Variants in ANO4 observed in about 807,000 individuals in gnomAD.
ANO4 encodes the protein anoctamin-4.
Under a neutral mutation model 141.9 loss-of-function variants are expected in ANO4, and 69 were observed. That is an observed-to-expected ratio of 0.49 (90% CI 0.40 to 0.59). The LOEUF is 0.59. ANO4 is among the 20% of genes least tolerant of loss of function. The pLI is 0.00. For missense variants in ANO4, 894 were observed against 1,162.2 expected (o/e 0.77, Z 3.36); for synonymous variants, 350 against 394.3 (o/e 0.89, Z 1.33).
At chr12:100,904,226 T>C (rs1407243956) in intron 2 of ANO4, among the ~76,000 whole-genome samples, 1 of 152,166 alleles carries the variant, frequency 6.6e-6, no homozygotes, top group African/African-American at 2.4e-5. Context: ...GTACCTGATA[T>C]ACATCAGTAA....
At chr12:100,975,939 AAAAAAG>A (rs1246946209) in intron 7 of ANO4, among the ~76,000 whole-genome samples, 6,369 of 126,382 alleles carry the variant, frequency 0.05, 238 homozygotes, top group Non-Finnish European at 0.069. Flanking sequence ...GCCAAAAAAA[AAAAAAG>A]AAAAAAAAAA....
intron 11 of ANO4, among the ~76,000 whole-genome samples, chr12:101,041,841 T>C (rs2047422372): frequency 6.6e-6 from 1 of 152,196 alleles, no homozygotes; most frequent in Non-Finnish European, 1.5e-5. Context: ...GTGGCATTTA[T>C]GTTGGGCAAA....
intron 23 of ANO4, 76 bp downstream of exon 23, chr12:101,110,632 T>C (rs2050627105): frequency 7.9e-7 from 1 of 1,273,210 alleles, no homozygotes; most frequent in South Asian, 2.3e-5. Flanking sequence ...CCACAAACTT[T>C]AGATTTTTAA....
chr12:100,795,081 C>CG (rs1475415124), intron 1 of ANO4, 54 bp downstream of exon 1: 1 of 152,710 alleles, frequency 6.5e-6, no homozygotes, highest in Non-Finnish European at 1.5e-5. Flanking sequence ...CTGAACCGTT[C>CG]GTTCCCCCTC....
intron 3 of ANO4, among the ~76,000 whole-genome samples, chr12:100,936,008 A>G (rs1444559800): frequency 6.6e-6 from 1 of 152,186 alleles, no homozygotes; most frequent in Non-Finnish European, 1.5e-5. Context: ...TCAGCTGGAC[A>G]TTCTCTCACA....
chr12:101,012,919 T>G (rs1220494906), intron 8 of ANO4, among the ~76,000 whole-genome samples: 1 of 152,156 alleles, frequency 6.6e-6, no homozygotes, highest in African/African-American at 2.4e-5. Flanking sequence ...CATCTCAAGT[T>G]TGTGACTTGT....
intron 9 of ANO4, among the ~76,000 whole-genome samples, chr12:101,021,879 A>G (rs911188938): frequency 2.0e-5 from 3 of 152,134 alleles, no homozygotes; most frequent in Non-Finnish European, 4.4e-5. Flanking sequence ...ACTGTAAAAA[A>G]TTAAAAAAAT....
chr12:101,010,141 T>C (rs2046024882), intron 8 of ANO4, among the ~76,000 whole-genome samples: 1 of 152,202 alleles, frequency 6.6e-6, no homozygotes, highest in South Asian at 2.1e-4. Flanking sequence ...GCTGTTGTTT[T>C]GTGCTATCTT....
chr12:101,039,351 A>G (rs2047325779), intron 10 of ANO4, among the ~76,000 whole-genome samples: 1 of 152,152 alleles, frequency 6.6e-6, no homozygotes. Flanking sequence ...CAAAAAATAC[A>G]AAAGTTAGCC....
In ANO4 at chr12:101,043,567, A is replaced by G; in HGVS notation, c.1183A>G (p.Ile395Val). Residue 395 changes from isoleucine to valine, a missense_variant, in exon 13 of 28, where the codon ATC (isoleucine) becomes GTC (valine). Coordinates refer to ENST00000392977, the MANE Select transcript of ANO4 (RefSeq NM_001286615.2). ...AGAAGTCTGCCAAGCTACAGATATC[A>G]TCATGTGTCCTGTGTGTGATAAATA... ...SKEVCQATDI[I>V]MCPVCDKYCP... The G allele has an allele frequency of 6.2e-7, 1 of 1,613,764 alleles. No homozygotes were observed. The highest frequency in any genetic ancestry group is 1.1e-5 in the South Asian group (1 of 91,058).
chr12:101,039,788 A>T (rs1239725189), intron 10 of ANO4, among the ~76,000 whole-genome samples, 167 bp from the exon 11 acceptor site: 2 of 152,176 alleles, frequency 1.3e-5, no homozygotes, highest in Admixed American at 1.3e-4. Context: ...TAGCAAGACA[A>T]TGTCCAGAAT....
At chr12:100,919,886 T>C (rs2041552710) in intron 2 of ANO4, among the ~76,000 whole-genome samples, 2 of 151,998 alleles carry the variant, frequency 1.3e-5, no homozygotes, top group Admixed American at 1.3e-4. Context: ...TTTAATGGCC[T>C]GTATGCTTCC....
At chr12:100,860,871 C>T (rs1207438491) in intron 1 of ANO4, among the ~76,000 whole-genome samples, 1 of 152,164 alleles carries the variant, frequency 6.6e-6, no homozygotes, top group Non-Finnish European at 1.5e-5. Flanking sequence ...GTCCAGAGTT[C>T]GTTCCTTCTG....
At chr12:101,107,055 A>T (rs2050477891) in intron 22 of ANO4, among the ~76,000 whole-genome samples, 1 of 152,186 alleles carries the variant, frequency 6.6e-6, no homozygotes, top group African/African-American at 2.4e-5. Flanking sequence ...ACTACCAATG[A>T]ATTAAACACA....
At chr12:101,036,666 T>G (rs2047208889) in intron 9 of ANO4, among the ~76,000 whole-genome samples, 1 of 151,642 alleles carries the variant, frequency 6.6e-6, no homozygotes, top group Admixed American at 6.6e-5. Context: ...AAACAGAGAG[T>G]AGAATAGTGG....
chr12:101,009,289 C>A (rs1376954135), intron 8 of ANO4, among the ~76,000 whole-genome samples: 3 of 152,056 alleles, frequency 2.0e-5, no homozygotes, highest in Non-Finnish European at 4.4e-5. Flanking sequence ...CAGCTATCTA[C>A]AAGTCAAGGA....
intron 14 of ANO4, among the ~76,000 whole-genome samples, chr12:101,051,096 A>G (rs1193776165): frequency 6.6e-6 from 1 of 152,230 alleles, no homozygotes; most frequent in African/African-American, 2.4e-5. Flanking sequence ...ATTTGTTCAT[A>G]AGGCAGAGGT....
chr12:100,831,122 G>A (rs1171452633), intron 1 of ANO4, among the ~76,000 whole-genome samples: 2 of 152,046 alleles, frequency 1.3e-5, no homozygotes, highest in Non-Finnish European at 2.9e-5. Flanking sequence ...ATTGATAAAA[G>A]TACTTGATAG....
chr12:101,005,706 G>A (rs181277217), intron 8 of ANO4, among the ~76,000 whole-genome samples: 6 of 152,242 alleles, frequency 3.9e-5, no homozygotes, highest in Middle Eastern at 3.4e-3. Flanking sequence ...TTTTATTTTT[G>A]TTGATAATTT....
Sources: gnomAD v4.1 joint callset for allele counts (sites outside exome capture counted in the v4.1 genomes callset) on GRCh38, gnomAD v4.1.1 for gene constraint, MANE v1.5 for transcripts, NCBI Gene and HGNC (gene_info 2026-07-23, HGNC 2026-07-21) for gene names.